The following PTP4A1 variants were observed in gnomAD, a reference collection of about 807,000 sequenced individuals.
PTP4A1 encodes the protein protein tyrosine phosphatase 4A1.
Under a neutral mutation model 20.5 loss-of-function variants are expected in PTP4A1, and 9 were observed. The ratio of observed to expected loss-of-function variants is 0.44; its 90% CI spans 0.26 to 0.77. The LOEUF (loss-of-function observed/expected upper bound fraction) is 0.77. Among genes scored for constraint, PTP4A1 ranks in the 30% least tolerant of loss-of-function variants. The probability of loss-of-function intolerance (pLI) is 0.19; values close to 1 mark genes in which losing one functional copy is unlikely to be tolerated. For missense variants in PTP4A1, 137 were observed against 218.8 expected (o/e 0.63, Z 2.36); for synonymous variants, 78 against 67.4 (o/e 1.16, Z -0.77).
At chr6:63,558,361 A>C (rs1392629114) in intron 3 of PTP4A1, among the ~76,000 whole-genome samples, 2 of 152,186 alleles carry the variant, frequency 1.3e-5, no homozygotes, top group African/African-American at 4.8e-5. Flanking sequence ...ACAGTAAAAA[A>C]TTAGAAGGAG....
intron 3 of PTP4A1, among the ~76,000 whole-genome samples, chr6:63,555,737 A>G (rs1776657831): frequency 7.2e-6 from 1 of 138,344 alleles, no homozygotes; most frequent in South Asian, 2.2e-4. Context: ...TCTGTCACCC[A>G]GCCTGGAGTG....
chr6:63,572,433 T>C (rs1022980803), upstream of PTP4A1: 6 of 365,452 alleles, frequency 1.6e-5, no homozygotes, highest in East Asian at 2.0e-4. Context: ...GGCTGGAGGG[T>C]TGCACGTCGC....
upstream of PTP4A1, among the ~76,000 whole-genome samples, chr6:63,567,683 G>A (rs1400571069): frequency 6.6e-6 from 1 of 152,184 alleles, no homozygotes. Context: ...CCCCTAACAA[G>A]AGAACTGCCT....
At chr6:63,537,200 G>T (rs749655636) in intron 2 of PTP4A1, among the ~76,000 whole-genome samples, 2 of 152,144 alleles carry the variant, frequency 1.3e-5, no homozygotes, top group Non-Finnish European at 2.9e-5. Context: ...GACAGTAGAA[G>T]TATTTCCTGG....
At chr6:63,548,664 C>A (rs1278126128) in intron 2 of PTP4A1, 2 of 437,138 alleles carry the variant, frequency 4.6e-6, no homozygotes, top group South Asian at 6.3e-5. Context: ...AAAATTTGTT[C>A]TATTTTAATT....
intron 2 of PTP4A1, among the ~76,000 whole-genome samples, chr6:63,536,443 A>G (rs1775732086): frequency 6.6e-6 from 1 of 152,254 alleles, no homozygotes; most frequent in African/African-American, 2.4e-5. Flanking sequence ...AAGTTTAAGG[A>G]TATCCCATTA....
chr6:63,582,654 G>A lies in PTP4A1; in HGVS notation c.*2480G>A, dbSNP rs114380593. 0.02 allele frequency: 3,028 copies of A among 152,292 alleles called. 42 individuals are homozygous for A. Among genetic ancestry groups the A allele is most frequent in the Non-Finnish European group, 0.03 (2,067 of 68,022 alleles). The allele number at this position is 152,292 out of a possible 1,614,324, so 9.4% of individuals were successfully genotyped here. On this transcript the variant is annotated 3_prime_UTR_variant, in exon 6 of 6. Coordinates refer to ENST00000626021, the MANE Select transcript of PTP4A1 (RefSeq NM_003463.5). ...CCTTAGTGGGATGATGTAAATAGAG[G>A]CTAGCTACCTAGGCTTGTCTATAGC... is the stretch of plus-strand genomic sequence containing the variant.
intron 2 of PTP4A1, among the ~76,000 whole-genome samples, chr6:63,544,667 G>A (rs546646167): frequency 4.2e-4 from 64 of 152,082 alleles, no homozygotes; most frequent in Non-Finnish European, 8.5e-4. Context: ...TTTCTGATTA[G>A]TACAAGCCAA....
chr6:63,562,515 C>T (rs550225632), intron 3 of PTP4A1, among the ~76,000 whole-genome samples: 7 of 152,026 alleles, frequency 4.6e-5, no homozygotes, highest in Non-Finnish European at 8.8e-5. Flanking sequence ...TTTTAATATC[C>T]GAAAAGTATT....
In PTP4A1 at chr6:63,531,989, C is replaced by A. The variant is rs375191069; in HGVS notation, c.-640+3905C>A. Among the ~76,000 whole-genome samples, 12 of 152,118 alleles carry A rather than the reference C, an allele frequency of 7.9e-5. No homozygotes were observed. In the East Asian group the frequency reaches 1.5e-3, roughly 20 times the overall value. ...TTAATTTTTGTATTTTTAGTAGAGA[C>A]GGGGTTTCACCATCTTGGTGAGGCT... On this transcript the variant is annotated intron_variant, in intron 2 of 3. Coordinates refer to the PTP4A1 transcript ENST00000639568.
chr6:63,552,528 C>G (rs1776497839), intron 3 of PTP4A1, among the ~76,000 whole-genome samples: 1 of 152,142 alleles, frequency 6.6e-6, no homozygotes, highest in East Asian at 1.9e-4. Context: ...TGCAGAAGCT[C>G]TTTAGTTTAA....
In PTP4A1 at chr6:63,545,061, C is replaced by T. The variant is rs1005217039; in HGVS notation, c.-639-5239C>T. On this transcript the variant is annotated intron_variant, in intron 2 of 3. Transcript: ENST00000639568. ...ATTTCTAATTCTGCCATTTCTTCAA[C>T]ATGTACCAATTGGCATTCTACTGTA... Among the ~76,000 whole-genome samples the T allele has an allele frequency of 3.9e-5, 6 of 152,316 alleles. No homozygotes were observed. The East Asian group carries it at 1.2e-3, about 29-fold the overall frequency.
At chr6:63,521,528 C>T (rs971845504), upstream of PTP4A1, among the ~76,000 whole-genome samples, 4 of 152,158 alleles carry the variant, frequency 2.6e-5, no homozygotes, top group Non-Finnish European at 4.4e-5. Flanking sequence ...TGACAGATGG[C>T]TAAATGCCAT....
upstream of PTP4A1, among the ~76,000 whole-genome samples, chr6:63,567,822 A>G (rs1777254709): frequency 1.3e-5 from 2 of 152,216 alleles, no homozygotes; most frequent in African/African-American, 4.8e-5. Flanking sequence ...ACCTTCATCA[A>G]TGTTCTTGGC....
In PTP4A1 at chr6:63,540,771, C is replaced by T. The variant is rs557189565; in HGVS notation, c.-639-9529C>T. 3.1e-3 allele frequency among the ~76,000 whole-genome samples: 467 copies of T among 151,054 alleles called. 2 individuals are homozygous for T. The highest frequency in any genetic ancestry group is 5.1e-3 in the Non-Finnish European group (349 of 67,846). On this transcript the variant is annotated intron_variant, in intron 2 of 3. Coordinates refer to the PTP4A1 transcript ENST00000639568. The stretch of plus-strand genomic sequence containing the variant: ...AATGGTTATGAGGGTGGCGGGGAGA[C>T]GTAGAAATAGCAAATAGGACCCCGT...
chr6:63,547,429 A>T (rs910411417), intron 2 of PTP4A1, among the ~76,000 whole-genome samples: 6 of 149,850 alleles, frequency 4.0e-5, no homozygotes, highest in African/African-American at 1.5e-4. Context: ...ACCTCAAGTG[A>T]TTAATCTGCC....
At chr6:63,549,017 G>A (rs974226445) in intron 2 of PTP4A1, 13 of 728,178 alleles carry the variant, frequency 1.8e-5, no homozygotes, top group South Asian at 8.6e-5. Context: ...CAACCAGCTC[G>A]ATGGGATCCA....
chr6:63,562,200 T>C (rs1471794445), intron 3 of PTP4A1, among the ~76,000 whole-genome samples: 1 of 147,268 alleles, frequency 6.8e-6, no homozygotes, highest in Non-Finnish European at 1.5e-5. Flanking sequence ...ATTTTCTTTT[T>C]CTTTTTTTTT....
At position 63,582,332 on chromosome 6, in the gene PTP4A1, T is replaced by TGA. The variant is rs1192630315; in HGVS notation, c.*2159_*2160dup. 6.6e-6 allele frequency: 1 copy of TGA among 152,650 alleles called. No homozygotes were observed. The highest frequency in any genetic ancestry group is 1.9e-4 in the East Asian group (1 of 5,202). The allele number at this position is 152,650 out of a possible 1,614,324, so 9.5% of individuals were successfully genotyped here. A position where few individuals can be genotyped will look rare whatever the true frequency, so the allele number is the denominator to read the frequency against. On this transcript the variant is annotated 3_prime_UTR_variant, in exon 6 of 6. Coordinates refer to ENST00000626021, the MANE Select transcript of PTP4A1 (RefSeq NM_003463.5). ...AGAGAGGATGTGCCATCATGATTAA[T>TGA]GAAAACTATCTTTTGAGTTTGAAAA...
Sources: gnomAD v4.1 joint callset for allele counts (sites outside exome capture counted in the v4.1 genomes callset) on GRCh38, gnomAD v4.1.1 for gene constraint, MANE v1.5 for transcripts, NCBI Gene and HGNC (gene_info 2026-07-23, HGNC 2026-07-21) for gene names.